Variants in NELL1 observed in about 807,000 individuals in gnomAD.
NELL1 encodes the protein neural EGFL like 1, also known as protein kinase C-binding protein NELL1.
NELL1 carries 76 observed loss-of-function variants against 107.4 expected under a neutral mutation model. That is an observed-to-expected ratio of 0.71 (90% CI 0.59 to 0.86). The LOEUF (loss-of-function observed/expected upper bound fraction) is 0.86. NELL1 is among the 40% of genes least tolerant of loss of function. The probability of loss-of-function intolerance (pLI) is 0.00; values close to 1 mark genes in which losing one functional copy is unlikely to be tolerated. For synonymous variants in NELL1, 353 were observed against 341.2 expected, an observed-to-expected ratio of 1.03 and a Z score of -0.38; for missense variants, 1,024 against 1,005.5, an observed-to-expected ratio of 1.02 and a Z score of -0.25.
intron 13 of NELL1, among the ~76,000 whole-genome samples, chr11:21,202,469 A>G (rs370121666): frequency 3.9e-5 from 6 of 152,166 alleles, no homozygotes; most frequent in Admixed American, 3.3e-4. Flanking sequence ...ATCAGTGGTG[A>G]TATCCCCTTT....
intron 14 of NELL1, among the ~76,000 whole-genome samples, chr11:21,314,938 C>A (rs1849842697): frequency 6.6e-6 from 1 of 151,914 alleles, no homozygotes; most frequent in Admixed American, 6.6e-5. Context: ...CTCACTGCAA[C>A]CTCCACCTCC....
At chr11:20,893,061 T>C (rs1407505644) in intron 5 of NELL1, among the ~76,000 whole-genome samples, 1 of 151,998 alleles carries the variant, frequency 6.6e-6, no homozygotes, top group African/African-American at 2.4e-5. Context: ...ATAAACACCA[T>C]GGCATACTAC....
intron 5 of NELL1, among the ~76,000 whole-genome samples, chr11:20,909,176 G>A (rs1023912977): frequency 2.6e-5 from 4 of 152,132 alleles, no homozygotes; most frequent in African/African-American, 7.2e-5. Context: ...GGATGGTGGC[G>A]GGAGTCATGG....
At chr11:21,558,589 A>G (rs1856776225) in intron 16 of NELL1, among the ~76,000 whole-genome samples, 1 of 152,052 alleles carries the variant, frequency 6.6e-6, no homozygotes, top group Non-Finnish European at 1.5e-5. Flanking sequence ...GGGACAAGAG[A>G]TAACAATTGC....
At chr11:20,812,703 T>C (rs1857525231) in intron 3 of NELL1, among the ~76,000 whole-genome samples, 1 of 151,942 alleles carries the variant, frequency 6.6e-6, no homozygotes, top group Non-Finnish European at 1.5e-5. Flanking sequence ...CTCTTCAAAT[T>C]GTACCTAAAA....
intron 2 of NELL1, among the ~76,000 whole-genome samples, chr11:20,753,721 CA>C (rs1177230079): frequency 6.6e-6 from 1 of 152,126 alleles, no homozygotes; most frequent in African/African-American, 2.4e-5. Context: ...TAAGGTGCTC[CA>C]ATGATGTCAT....
rs138383367 is a variant in NELL1 at position 20,826,184 on chromosome 11, C to T, written c.336-21399C>T. ...TTTATAAATTACCCAGTCTCGGGTA[C>T]GTCTTTATTAGCAGCATGAGAATGG... On this transcript the variant is annotated intron_variant, in intron 3 of 19. Coordinates refer to ENST00000357134, the MANE Select transcript of NELL1 (RefSeq NM_006157.5). Among the ~76,000 whole-genome samples, 27 of 151,282 alleles carry T rather than the reference C, an allele frequency of 1.8e-4. 1 individual carries two copies. The highest frequency in any genetic ancestry group is 5.1e-4 in the African/African-American group (21 of 41,460).
intron 14 of NELL1, among the ~76,000 whole-genome samples, chr11:21,288,951 G>C (rs912803504): frequency 3.9e-5 from 6 of 152,132 alleles, no homozygotes. Context: ...GTTCTAAGAA[G>C]GAGTGTTCTA....
At chr11:20,913,843 G>C (rs930546659) in intron 5 of NELL1, among the ~76,000 whole-genome samples, 1 of 138,218 alleles carries the variant, frequency 7.2e-6, no homozygotes, top group Non-Finnish European at 1.6e-5. Flanking sequence ...ATAAGATTAC[G>C]GGGGGCGGGG....
intron 13 of NELL1, among the ~76,000 whole-genome samples, chr11:21,124,603 AT>A (rs35321090): frequency 3.0e-3 from 430 of 141,842 alleles, no homozygotes; most frequent in Middle Eastern, 3.8e-3. Context: ...CTCACAGATG[AT>A]TTTTTTTTTT....
intron 11 of NELL1, among the ~76,000 whole-genome samples, chr11:20,958,680 A>G (rs1851228549): frequency 6.6e-6 from 1 of 152,234 alleles, no homozygotes; most frequent in South Asian, 2.1e-4. Context: ...ATCAAAAGAT[A>G]CTGAAGGAAC....
At chr11:20,827,917 T>C (rs1185790051) in intron 3 of NELL1, among the ~76,000 whole-genome samples, 1 of 151,276 alleles carries the variant, frequency 6.6e-6, no homozygotes, top group East Asian at 1.9e-4. Flanking sequence ...AAAAATATCT[T>C]AGTCCCAAAG....
intron 15 of NELL1, among the ~76,000 whole-genome samples, chr11:21,483,688 A>G (rs571860179): frequency 1.1e-4 from 16 of 151,910 alleles, no homozygotes; most frequent in African/African-American, 3.6e-4. Flanking sequence ...ATATTTTTAT[A>G]TAAAATATGA....
intron 15 of NELL1, among the ~76,000 whole-genome samples, chr11:21,525,527 A>C (rs1855829658): frequency 2.6e-5 from 4 of 152,360 alleles, no homozygotes; most frequent in South Asian, 4.1e-4. Flanking sequence ...TTAGCAGCAG[A>C]AGAAGCTATG....
intron 11 of NELL1, among the ~76,000 whole-genome samples, chr11:20,956,652 A>C (rs1411913624): frequency 1.3e-5 from 2 of 152,150 alleles, no homozygotes; most frequent in African/African-American, 2.4e-5. Flanking sequence ...TCTCAAAAAA[A>C]AAAAAAAAAA....
chr11:21,547,822 TAG>T (rs1856480805), intron 16 of NELL1, among the ~76,000 whole-genome samples: 1 of 151,910 alleles, frequency 6.6e-6, no homozygotes, highest in African/African-American at 2.4e-5. Flanking sequence ...TCCTGCTTTA[TAG>T]ATAGACAAAC....
chr11:21,097,980 A>T (rs927971264), intron 12 of NELL1, among the ~76,000 whole-genome samples: 1 of 151,760 alleles, frequency 6.6e-6, no homozygotes, highest in Admixed American at 6.6e-5. Flanking sequence ...CAACTCCAAA[A>T]AAAAAAAAAA....
intron 12 of NELL1, among the ~76,000 whole-genome samples, chr11:21,098,740 C>T (rs1330303131): frequency 6.6e-6 from 1 of 151,982 alleles, no homozygotes; most frequent in Non-Finnish European, 1.5e-5. Flanking sequence ...CCAGGTTTTT[C>T]CCCCAGTAAA....
At chr11:20,701,277 T>G (rs1854778099) in intron 2 of NELL1, among the ~76,000 whole-genome samples, 1 of 152,208 alleles carries the variant, frequency 6.6e-6, no homozygotes, top group Admixed American at 6.5e-5. Flanking sequence ...GAGCATTTTT[T>G]CATGTGTCTT....
Sources: gnomAD v4.1 joint callset for allele counts (sites outside exome capture counted in the v4.1 genomes callset) on GRCh38, gnomAD v4.1.1 for gene constraint, MANE v1.5 for transcripts, NCBI Gene and HGNC (gene_info 2026-07-23, HGNC 2026-07-21) for gene names.